KEL: variants seen among roughly 807,000 people sequenced by gnomAD.
KEL encodes Kell metallo-endopeptidase (Kell blood group), also known as kell blood group glycoprotein.
KEL carries 96 observed loss-of-function variants against 99.5 expected under a neutral mutation model. The ratio of observed to expected loss-of-function variants is 0.97; its 90% CI spans 0.82 to 1.14. The LOEUF (loss-of-function observed/expected upper bound fraction) is 1.14. KEL is among the 50% of genes most tolerant of loss of function. KEL has a pLI of 0.00. For missense variants in KEL, 926 were observed against 924.2 expected, an observed-to-expected ratio of 1.00 and a Z score of -0.03; for synonymous variants, 355 against 354.8, an observed-to-expected ratio of 1.00 and a Z score of -0.01.
Position 142,961,859 on chromosome 7 carries a change from T to G in KEL, c.17A>C (p.Gln6Pro). The change falls in exon 2 of 19, where the codon CAA (glutamine) becomes CCA (proline). Residue 6 changes from glutamine (Q) to proline (P), a missense_variant. By Grantham distance (76) the Gln-to-Pro change is moderately conservative. Coordinates refer to ENST00000355265, the MANE Select transcript of KEL (RefSeq NM_000420.3). MEGGD[Q>P]SEEEPRERSQ... Reference sequence around the variant, plus strand: ...GCGTTCCCTCGGCTCTTCCTCACTTTGGTCCCCACCTTCCTGAAGTGAGTG... The same window carrying G: ...GCGTTCCCTCGGCTCTTCCTCACTTGGGTCCCCACCTTCCTGAAGTGAGTG... 6.2e-7 allele frequency: 1 copy of G among 1,614,144 alleles called. No individual in the cohort carries two copies. Among genetic ancestry groups the G allele is most frequent in the Middle Eastern group, 1.6e-4 (1 of 6,062 alleles).
intron 4 of KEL, 133 bp downstream of exon 4, chr7:142,960,795 C>T: frequency 1.1e-6 from 1 of 950,290 alleles, no homozygotes; most frequent in Non-Finnish European, 1.7e-6. Flanking sequence ...CTCCAATCAT[C>T]CACCCGTATA....
chr7:142,941,466 C>A, intron 18 of KEL, 53 bp from the exon 19 acceptor site: 1 of 1,514,722 alleles, frequency 6.6e-7, no homozygotes, highest in Non-Finnish European at 8.9e-7. Context: ...ACAAAGCTGA[C>A]CCGGTGACAA....
chr7:142,953,878 G>A lies in KEL; in HGVS notation c.1003C>T (p.Leu335Phe). 1.2e-6 allele frequency: 2 copies of A among 1,614,200 alleles called. No homozygotes were observed. The highest frequency in any genetic ancestry group is 2.2e-5 in the East Asian group (1 of 44,872). ...AAATATTCCACGTCATGGACCACGA[G>A]GGACTGAGAAGGGCTCAGGGACATC... ...TPMSLSPSQS[L>F]VVHDVEYLKN... Residue 335 changes from leucine to phenylalanine, a missense_variant, in exon 9 of 19, where the codon CTC (leucine) becomes TTC (phenylalanine). Transcript: ENST00000355265.
chr7:142,952,784 T>A, intron 9 of KEL, 146 bp from the exon 10 acceptor site: 1 of 920,224 alleles, frequency 1.1e-6, no homozygotes, highest in Non-Finnish European at 1.7e-6. Context: ...TGCACCCAAG[T>A]CAAAAAGAGC....
intron 10 of KEL, among the ~76,000 whole-genome samples, chr7:142,947,929 A>G (rs1796576514): frequency 6.6e-6 from 1 of 152,214 alleles, no homozygotes; most frequent in Non-Finnish European, 1.5e-5. Context: ...GAAAGCAATT[A>G]TAGGCCAAGT....
At position 142,962,249 on chromosome 7, in the gene KEL, C is replaced by A; in HGVS notation, c.-43G>T. The A allele has an allele frequency of 6.2e-7, 1 of 1,613,602 alleles. No individual in the cohort carries two copies. Among genetic ancestry groups the A allele is most frequent in the Non-Finnish European group, 8.5e-7 (1 of 1,179,512 alleles). On this transcript the variant is annotated 5_prime_UTR_variant, in exon 1 of 19. Coordinates refer to ENST00000355265, the MANE Select transcript of KEL (RefSeq NM_000420.3). ...CTCCAGAATCCTTCCTGGTTCCACTCTAGGAGCTGATTCGGAGGACTGGGG... is the reference window on the plus strand; with the variant it reads ...CTCCAGAATCCTTCCTGGTTCCACTATAGGAGCTGATTCGGAGGACTGGGG...
rs377360282 is a variant in KEL, at chr7:142,946,252, C to T, written c.1269G>A (p.Ala423=). The T allele has an allele frequency of 4.7e-5, 76 of 1,614,158 alleles. No homozygotes were observed. In the South Asian group the frequency reaches 6.4e-4, roughly 14 times the overall value. ...ETGTFFEPTL[A]ALFVREAFGP... is the part of the protein sequence containing the mutation. ...CAAAGGCCTCACGAACAAACAAAGC[C>T]GCCAGCGTGGGCTCGAAGAACGTGC... The change falls in exon 11 of 19, where the codon GCG becomes GCA. Residue 423 remains alanine (A), a synonymous_variant. Transcript: ENST00000355265.
rs139823086 is a variant in KEL at position 142,944,326 on chromosome 7, G to T, written c.1488C>A (p.Asn496Lys). 1 of 1,612,996 alleles carries T rather than the reference G, an allele frequency of 6.2e-7. No homozygotes were observed. The highest frequency in any genetic ancestry group is 2.2e-5 in the East Asian group (1 of 44,872). Residue 496 changes from asparagine (N) to lysine (K), a missense_variant, in exon 13 of 19, where the codon AAC becomes AAA. Transcript: ENST00000355265. Reference sequence around the variant, plus strand: ...GCTGGAAAACACAGGGACCCACATCGTTGTATTCTTGTCGGGCCAGCTCTG... The same window carrying T: ...GCTGGAAAACACAGGGACCCACATCTTTGTATTCTTGTCGGGCCAGCTCTG... ...LKPELARQEYNDIQLGSSFLQ... is the reference protein window; with the variant it reads ...LKPELARQEYKDIQLGSSFLQ...
intron 5 of KEL, 34 bp downstream of exon 5, chr7:142,958,270 T>C (rs961045612): frequency 1.7e-5 from 28 of 1,613,826 alleles, no homozygotes; most frequent in Non-Finnish European, 2.1e-5. Context: ...ATATGTTATG[T>C]ATCCAGAAAA....
intron 13 of KEL, 93 bp downstream of exon 13, chr7:142,944,230 G>A: frequency 9.4e-7 from 1 of 1,063,852 alleles, no homozygotes; most frequent in Admixed American, 1.7e-5. Context: ...AAGTCACCCA[G>A]GGAAAACTGA....
At position 142,961,102 on chromosome 7, in the gene KEL, G is replaced by C; in HGVS notation, c.226C>G (p.Pro76Ala). Residue 76 changes from proline (P) to alanine (A), a missense_variant and splice_region_variant, in exon 4 of 19, where the codon CCC (proline) becomes GCC (alanine). Pro to Ala is a conservative substitution (Grantham distance 27). Coordinates refer to ENST00000355265, the MANE Select transcript of KEL (RefSeq NM_000420.3). ...TCCAAACACACAGATGTCTCACAGG[G>C]GCCTGTGGGGAAAAGCTCAGAGCTG... ...FYNFQNCGPR[P>A]CETSVCLDLR... is the part of the protein sequence containing the mutation. 6.2e-7 allele frequency: 1 copy of C among 1,613,516 alleles called. No homozygotes were observed. Among genetic ancestry groups the C allele is most frequent in the South Asian group, 1.1e-5 (1 of 91,054 alleles).
intron 6 of KEL, among the ~76,000 whole-genome samples, chr7:142,955,582 A>G (rs1448082730): frequency 1.3e-5 from 2 of 152,176 alleles, no homozygotes; most frequent in Non-Finnish European, 2.9e-5. Context: ...ACCTTCTTAA[A>G]TTAGCACCCC....
chr7:142,941,655 C>T (rs1796359228), intron 18 of KEL, among the ~76,000 whole-genome samples: 1 of 152,030 alleles, frequency 6.6e-6, no homozygotes, highest in South Asian at 2.1e-4. Context: ...AGCGCAGGAG[C>T]TCTGGGGTGA....
intron 10 of KEL, chr7:142,946,555 T>C (rs1013832181): frequency 1.7e-6 from 1 of 581,596 alleles, no homozygotes; most frequent in Admixed American, 2.9e-5. Context: ...TATTGCCTAT[T>C]GAATTTGACA....
At chr7:142,958,283 T>A in intron 5 of KEL, 21 bp downstream of exon 5, 4 of 1,614,058 alleles carry the variant, frequency 2.5e-6, no homozygotes, top group Non-Finnish European at 3.4e-6. Context: ...CCAGAAAAGT[T>A]AATATCCCAA....
At position 142,952,131 on chromosome 7, in the gene KEL, C is replaced by T. The variant is rs150938699; in HGVS notation, c.1203+378G>A. 2.5e-3 allele frequency among the ~76,000 whole-genome samples: 383 copies of T among 152,226 alleles called. 1 individual carries two copies. Among genetic ancestry groups the T allele is most frequent in the Non-Finnish European group, 4.0e-3 (275 of 68,012 alleles). On this transcript the variant is annotated intron_variant, in intron 10 of 18. Coordinates refer to ENST00000355265, the MANE Select transcript of KEL (RefSeq NM_000420.3). ...CAACTAGACATAAGGAAGGCCACTG[C>T]GTAACATATCTCTCTGTCATCCCAA...
chr7:142,958,894 T>C (rs948047050), intron 4 of KEL, among the ~76,000 whole-genome samples: 2 of 152,226 alleles, frequency 1.3e-5, no homozygotes, highest in African/African-American at 4.8e-5. Context: ...CTATCCCAGA[T>C]CTTTAGACAA....
intron 10 of KEL, among the ~76,000 whole-genome samples, chr7:142,952,120 G>A (rs764163271): frequency 5.0e-4 from 76 of 152,230 alleles, no homozygotes; most frequent in Middle Eastern, 3.4e-3. Flanking sequence ...TAGACATAAG[G>A]AAGGCCACTG....
rs1222921402 is a variant in KEL, at chr7:142,942,539, G to C, written c.1942-10C>G. ...GCCTCTTGCTGTATGCCTGGGTAGG[G>C]GTGGGTAGAGAAGGGCCATCAGGCT... On this transcript the variant is annotated splice_polypyrimidine_tract_variant and intron_variant, in intron 17 of 18. Transcript: ENST00000355265. 1 of 1,592,996 alleles carries C rather than the reference G, an allele frequency of 6.3e-7. No individual in the cohort carries two copies. The highest frequency in any genetic ancestry group is 8.6e-7 in the Non-Finnish European group (1 of 1,166,848).
Sources: allele counts gnomAD v4.1 joint callset (sites outside exome capture counted in the v4.1 genomes callset), GRCh38; gene constraint gnomAD v4.1.1; transcripts MANE v1.5; gene names NCBI Gene and HGNC (gene_info 2026-07-23, HGNC 2026-07-21).